Variants in VIRMA observed in about 807,000 individuals in gnomAD.
The protein encoded by VIRMA is vir like m6A methyltransferase associated, also known as protein virilizer homolog.
VIRMA carries 65 observed loss-of-function variants against 182.4 expected under a neutral mutation model. The ratio of observed to expected loss-of-function variants is 0.36; its 90% confidence interval spans 0.29 to 0.44. VIRMA has a LOEUF of 0.44. Ranked by LOEUF, VIRMA falls within the 20% of genes least tolerant of loss-of-function variation. The pLI, the probability that VIRMA is intolerant of heterozygous loss-of-function variation, is 1.00. For synonymous variants in VIRMA, 709 were observed against 743.1 expected (o/e 0.95, Z 0.75); for missense variants, 1,752 against 2,158.1 (o/e 0.81, Z 3.73).
Position 94,509,824 on chromosome 8 carries a change from C to G in VIRMA, c.3743G>C (p.Gly1248Ala). The change falls in exon 15 of 24, where the codon GGA (glycine) becomes GCA (alanine). Residue 1248 changes from glycine (G) to alanine (A), a missense_variant. By Grantham distance (60) the Gly-to-Ala change is moderately conservative. Around this residue, in one of 11 missense-constraint regions of VIRMA, gnomAD observed 777 missense variants for 920.6 expected, o/e 0.84. Transcript: ENST00000297591. ...CKLAILHLINGTIKGDERYAE... is the reference protein window; with the variant it reads ...CKLAILHLINATIKGDERYAE... ...ATATCTTTCATCACCTTTAATAGTT[C>G]CATTAATTAGATGCAAAATAGCTAA... is the stretch of plus-strand genomic sequence containing the variant. The G allele has an allele frequency of 1.2e-6, 2 of 1,614,050 alleles. No individual in the cohort carries two copies. The highest frequency in any genetic ancestry group is 1.7e-6 in the Non-Finnish European group (2 of 1,179,976).
intron 16 of VIRMA, among the ~76,000 whole-genome samples, chr8:94,503,804 A>G (rs1463040145): frequency 6.6e-6 from 1 of 152,150 alleles, no homozygotes; most frequent in Non-Finnish European, 1.5e-5. Context: ...AACTTTTTAA[A>G]AAAGTGTAAC....
At chr8:94,491,213 C>G (rs1209792753) in intron 22 of VIRMA, among the ~76,000 whole-genome samples, 1 of 150,944 alleles carries the variant, frequency 6.6e-6, no homozygotes, top group Non-Finnish European at 1.5e-5. Flanking sequence ...ACTTGGGAGG[C>G]TGAGGCAGGA....
At chr8:94,517,642 A>G (rs1814605880) in intron 10 of VIRMA, 146 bp downstream of exon 10, 1 of 497,694 alleles carries the variant, frequency 2.0e-6, no homozygotes, top group Non-Finnish European at 3.4e-6. Flanking sequence ...GTTTTTATAA[A>G]CTGTCTTCAT....
intron 10 of VIRMA, 75 bp downstream of exon 10, chr8:94,517,710 TGAA>T (rs1814607237): frequency 9.9e-7 from 1 of 1,008,634 alleles, no homozygotes; most frequent in East Asian, 2.6e-5. Flanking sequence ...CGAAACATGA[TGAA>T]GGACTAATTA....
chr8:94,507,167 C>T (rs997390100), intron 15 of VIRMA, among the ~76,000 whole-genome samples: 9 of 144,428 alleles, frequency 6.2e-5, no homozygotes, highest in African/African-American at 2.0e-4. Context: ...CGGAGTTTCA[C>T]TCTTGTTGCC....
intron 8 of VIRMA, among the ~76,000 whole-genome samples, chr8:94,522,581 C>A (rs541876482): frequency 8.5e-5 from 13 of 152,290 alleles, no homozygotes; most frequent in African/African-American, 3.1e-4. Context: ...AACCACAGCT[C>A]CAATTGCTAC....
At position 94,494,975 on chromosome 8, in the gene VIRMA, C is replaced by T. The variant is rs766241488; in HGVS notation, c.4545-19G>A. Reference sequence around the variant, plus strand: ...GGCAGTCCTGGAACAAGAAAAGTATCTGGTGAAAAGCAGAATTCTAAAATC... The same window carrying T: ...GGCAGTCCTGGAACAAGAAAAGTATTTGGTGAAAAGCAGAATTCTAAAATC... On this transcript the variant is annotated intron_variant, in intron 19 of 23. Coordinates refer to ENST00000297591, the MANE Select transcript of VIRMA (RefSeq NM_015496.5). The T allele has an allele frequency of 1.3e-6, 2 of 1,498,270 alleles. No homozygotes were observed. The highest frequency in any genetic ancestry group is 1.2e-5 in the South Asian group (1 of 86,106). 92.8% of individuals were successfully genotyped at this position (1,498,270 alleles called of 1,614,324 possible). A position where few individuals can be genotyped will look rare whatever the true frequency, so the allele number is the denominator to read the frequency against.
At chr8:94,527,394 T>C (rs780503330) in intron 7 of VIRMA, 31 bp from the exon 8 acceptor site, 11 of 1,276,200 alleles carry the variant, frequency 8.6e-6, no homozygotes, top group Admixed American at 7.2e-5. Context: ...TATTTAAGTA[T>C]TACATCATCT....
chr8:94,509,711 T>C lies in VIRMA; in HGVS notation c.3856A>G (p.Ile1286Val). The change falls in exon 15 of 24, where the codon ATT (isoleucine) becomes GTT (valine). Residue 1286 changes from isoleucine to valine, a missense_variant. This residue lies in a region of VIRMA where 777 missense variants were observed against 920.6 expected (regional missense o/e 0.84). Coordinates refer to ENST00000297591, the MANE Select transcript of VIRMA (RefSeq NM_015496.5). ...RQQCVEYVTSILQSLCDQDIA... is the reference protein window; with the variant it reads ...RQQCVEYVTSVLQSLCDQDIA... Reference sequence around the variant, plus strand: ...ACCTGATCACAGAGAGACTGCAAAATGGATGTGACATATTCAACACACTGT... The same window carrying C: ...ACCTGATCACAGAGAGACTGCAAAACGGATGTGACATATTCAACACACTGT... 6.2e-7 allele frequency: 1 copy of C among 1,613,010 alleles called. No homozygotes were observed. Among genetic ancestry groups the C allele is most frequent in the South Asian group, 1.1e-5 (1 of 90,774 alleles).
At chr8:94,511,888 T>G in intron 12 of VIRMA, 108 bp downstream of exon 12, 3 of 677,444 alleles carry the variant, frequency 4.4e-6, no homozygotes, top group Non-Finnish European at 6.4e-6. Flanking sequence ...TAAAATGATA[T>G]TTTTCATTAT....
At chr8:94,538,496 T>C (rs1289239503) in intron 2 of VIRMA, 150 bp from the exon 3 acceptor site, 14 of 571,560 alleles carry the variant, frequency 2.4e-5, no homozygotes, top group Middle Eastern at 4.5e-4. Flanking sequence ...TAGTTAACTA[T>C]GATATTGTAT....
chr8:94,545,970 T>A (rs964890040), intron 1 of VIRMA, among the ~76,000 whole-genome samples: 7 of 150,496 alleles, frequency 4.7e-5, no homozygotes, highest in African/African-American at 1.5e-4. Context: ...GGTGAGAGGA[T>A]CACTTATGCC....
chr8:94,553,109 C>T (rs1270869468), intron 1 of VIRMA, among the ~76,000 whole-genome samples: 2 of 152,000 alleles, frequency 1.3e-5, no homozygotes, highest in Non-Finnish European at 2.9e-5. Flanking sequence ...CTTCTCAAGG[C>T]CCAAACCTGA....
chr8:94,516,144 A>T (rs1203644810), intron 10 of VIRMA, among the ~76,000 whole-genome samples: 1 of 152,084 alleles, frequency 6.6e-6, no homozygotes, highest in Non-Finnish European at 1.5e-5. Context: ...GACTGCTTAT[A>T]AATTAATGTA....
chr8:94,515,655 A>G (rs1305116051), intron 10 of VIRMA, among the ~76,000 whole-genome samples: 2 of 151,986 alleles, frequency 1.3e-5, no homozygotes, highest in African/African-American at 2.4e-5. Context: ...TACAAGTGTG[A>G]GCCACCGCGC....
chr8:94,540,711 C>T (rs1815521013), intron 2 of VIRMA, among the ~76,000 whole-genome samples: 1 of 152,158 alleles, frequency 6.6e-6, no homozygotes, highest in Non-Finnish European at 1.5e-5. Context: ...ATCCACCCGC[C>T]TCAGCCTCCC....
At chr8:94,552,012 C>A (rs567694481) in intron 1 of VIRMA, among the ~76,000 whole-genome samples, 1 of 152,204 alleles carries the variant, frequency 6.6e-6, no homozygotes, top group African/African-American at 2.4e-5. Flanking sequence ...TGAGCCACTG[C>A]GCCAGGCTCT....
chr8:94,499,366 ATACT>A lies in VIRMA; in HGVS notation c.4230+4_4230+7del. 1 of 1,538,508 alleles carries A rather than the reference ATACT, an allele frequency of 6.5e-7. No individual in the cohort carries two copies. Among genetic ancestry groups the A allele is most frequent in the Non-Finnish European group, 8.8e-7 (1 of 1,138,738 alleles). On this transcript the variant is annotated splice_donor_5th_base_variant and intron_variant, in intron 17 of 23. Coordinates refer to ENST00000297591, the MANE Select transcript of VIRMA (RefSeq NM_015496.5). ...TATATACACAAACACAAACACACAC[ATACT>A]TACAATTGTGTCAGAGTTAAGAATT...
chr8:94,523,488 C>T (rs947872318), intron 8 of VIRMA, among the ~76,000 whole-genome samples: 3 of 151,944 alleles, frequency 2.0e-5, no homozygotes, highest in Non-Finnish European at 4.4e-5. Context: ...CAGCTCACTG[C>T]ACCCTTAACC....
Sources: allele counts gnomAD v4.1 joint callset (sites outside exome capture counted in the v4.1 genomes callset), GRCh38; gene constraint gnomAD v4.1.1; regional missense constraint gnomAD v4.1.1; transcripts MANE v1.5; gene names NCBI Gene and HGNC (gene_info 2026-07-23, HGNC 2026-07-21).